Variants in BRINP1 observed in about 807,000 individuals in gnomAD.
BRINP1 encodes BMP/retinoic acid-inducible neural-specific protein 1.
In BRINP1, 17 loss-of-function variants were observed where a neutral mutation model predicts 72.9. The ratio of observed to expected loss-of-function variants is 0.23; its 90% CI spans 0.16 to 0.35. The LOEUF is 0.35. Ranked by LOEUF, BRINP1 falls within the 10% of genes least tolerant of loss-of-function variation. BRINP1 has a pLI of 1.00. For missense variants in BRINP1, 850 were observed against 1,001.6 expected (o/e 0.85, Z 2.04); for synonymous variants, 418 against 378.5 (o/e 1.10, Z -1.21).
At chr9:119,286,782 G>A (rs1311567330) in intron 2 of BRINP1, among the ~76,000 whole-genome samples, 2 of 152,100 alleles carry the variant, frequency 1.3e-5, no homozygotes, top group Non-Finnish European at 2.9e-5. Context: ...AGAGGACGGG[G>A]GAACTCACCA....
rs141766717 is a variant in BRINP1 at position 119,168,138 on chromosome 9, C to T, written c.1232G>A (p.Arg411Gln). Residue 411 changes from arginine to glutamine, a missense_variant, in exon 8 of 8, where the codon CGG becomes CAG. Transcript: ENST00000265922. The stretch of plus-strand genomic sequence containing the variant: ...GGTGCTGCCGTGGCACACGCAGCTC[C>T]GCTGGCTCTCCAGGAAGGTTCCCCA... ...GFWGTFLESQRSCVCHGSTTL... is the reference protein window; with the variant it reads ...GFWGTFLESQQSCVCHGSTTL... 1.2e-3 allele frequency: 1,868 copies of T among 1,600,658 alleles called. 5 individuals carry two copies. Among genetic ancestry groups the T allele is most frequent in the Admixed American group, 3.5e-3 (203 of 58,830 alleles).
chr9:119,246,297 G>A, intron 3 of BRINP1, among the ~76,000 whole-genome samples: 1 of 152,178 alleles, frequency 6.6e-6, no homozygotes, highest in East Asian at 1.9e-4. Flanking sequence ...GACTGGGAAA[G>A]GCAGACCCAC....
At chr9:119,356,502 C>G (rs1831567515) in intron 1 of BRINP1, among the ~76,000 whole-genome samples, 1 of 152,102 alleles carries the variant, frequency 6.6e-6, no homozygotes, top group African/African-American at 2.4e-5. Context: ...GATGAGTGCT[C>G]AATAAACAAT....
At position 119,167,587 on chromosome 9, in the gene BRINP1, T is replaced by C; in HGVS notation, c.1783A>G (p.Ser595Gly). 1 of 1,614,162 alleles carries C rather than the reference T, an allele frequency of 6.2e-7. No homozygotes were observed. Residue 595 changes from serine (S) to glycine (G), a missense_variant, in exon 8 of 8, where the codon AGC (serine) becomes GGC (glycine). Transcript: ENST00000265922. This position sits in a 1 kb window ranked among gnomAD's most constrained non-coding sequence, Gnocchi z 4.3. ...AAAAGAGTCCAGTTGTAGCACTGGCTGTTTTGGAGACGGATCTTCTCCCAG... is the reference window on the plus strand; with the variant it reads ...AAAAGAGTCCAGTTGTAGCACTGGCCGTTTTGGAGACGGATCTTCTCCCAG... Reference protein sequence around the residue: ...PRWEKIRLQNSQCYNWTLLLG... With the variant: ...PRWEKIRLQNGQCYNWTLLLG...
intron 2 of BRINP1, among the ~76,000 whole-genome samples, chr9:119,268,005 G>A (rs972961613): frequency 6.6e-6 from 1 of 152,154 alleles, no homozygotes; most frequent in African/African-American, 2.4e-5. Flanking sequence ...CACTTTGGGA[G>A]GCCGAGACAG....
chr9:119,330,510 C>A (rs904066361), intron 1 of BRINP1, among the ~76,000 whole-genome samples: 4 of 152,156 alleles, frequency 2.6e-5, no homozygotes, highest in Non-Finnish European at 4.4e-5. Context: ...TAGGAGTGAA[C>A]CCTCCCATAT....
At chr9:119,282,709 A>G (rs117305384) in intron 2 of BRINP1, among the ~76,000 whole-genome samples, 2,060 of 152,314 alleles carry the variant, frequency 0.014, 16 homozygotes, top group Middle Eastern at 0.037. Flanking sequence ...AGAGAAAGGG[A>G]TTCTGGAAGG....
intron 1 of BRINP1, among the ~76,000 whole-genome samples, chr9:119,345,321 C>T (rs1352190821): frequency 6.6e-6 from 1 of 152,040 alleles, no homozygotes; most frequent in Non-Finnish European, 1.5e-5. Flanking sequence ...ATCATGGTAA[C>T]AAATTTCTTG....
intron 1 of BRINP1, among the ~76,000 whole-genome samples, chr9:119,354,739 T>C (rs1204013545): frequency 1.3e-5 from 2 of 151,890 alleles, no homozygotes; most frequent in Non-Finnish European, 1.5e-5. Context: ...TGTGGTGGCA[T>C]GTGCCTGTAG....
intron 1 of BRINP1, among the ~76,000 whole-genome samples, chr9:119,367,676 C>G (rs983715167): frequency 5.9e-5 from 9 of 152,214 alleles, no homozygotes; most frequent in African/African-American, 2.2e-4. Context: ...GCCCCCCTGC[C>G]CTTGGCAGTA....
intron 1 of BRINP1, among the ~76,000 whole-genome samples, chr9:119,320,279 A>G (rs913513077): frequency 2.6e-5 from 4 of 152,104 alleles, no homozygotes; most frequent in African/African-American, 9.7e-5. Flanking sequence ...CTCTCACTCT[A>G]TCTCCCTCTC....
intron 1 of BRINP1, among the ~76,000 whole-genome samples, chr9:119,363,188 A>G (rs1440651818): frequency 1.3e-5 from 2 of 152,142 alleles, no homozygotes; most frequent in African/African-American, 4.8e-5. Flanking sequence ...CTGCAGCCTC[A>G]ACCTCTCAGG....
At chr9:119,308,778 C>T (rs977582040) in intron 2 of BRINP1, among the ~76,000 whole-genome samples, 1 of 152,144 alleles carries the variant, frequency 6.6e-6, no homozygotes, top group African/African-American at 2.4e-5. Flanking sequence ...ACGTAAGCCA[C>T]AAACCACTTG....
intron 1 of BRINP1, among the ~76,000 whole-genome samples, chr9:119,334,465 A>G (rs1564250981): frequency 6.6e-6 from 1 of 152,220 alleles, no homozygotes; most frequent in Non-Finnish European, 1.5e-5. Context: ...CCCCAGCCAT[A>G]GGAATTCAAC....
intron 7 of BRINP1, among the ~76,000 whole-genome samples, chr9:119,179,668 T>C (rs577638597): frequency 1.3e-5 from 2 of 152,296 alleles, no homozygotes; most frequent in African/African-American, 4.8e-5. Context: ...ATCCCACCGA[T>C]GAGGGCATTG....
chr9:119,317,018 G>C (rs1302864592), intron 1 of BRINP1, among the ~76,000 whole-genome samples: 1 of 151,754 alleles, frequency 6.6e-6, no homozygotes, highest in Non-Finnish European at 1.5e-5. Context: ...TTGAACCCGG[G>C]AGGCGGAGGT....
At chr9:119,269,601 C>A (rs905101469) in intron 2 of BRINP1, among the ~76,000 whole-genome samples, 3 of 152,182 alleles carry the variant, frequency 2.0e-5, no homozygotes, top group African/African-American at 7.2e-5. Flanking sequence ...TTAGTTTAAT[C>A]CTCAAGGCTG....
intron 1 of BRINP1, among the ~76,000 whole-genome samples, chr9:119,321,677 T>C (rs1831190429): frequency 6.6e-6 from 1 of 151,726 alleles, no homozygotes; most frequent in African/African-American, 2.4e-5. Context: ...TTTTATTATT[T>C]TGGGGAGGCT....
In BRINP1 at chr9:119,168,048, A is replaced by G; in HGVS notation, c.1322T>C (p.Leu441Pro). The G allele has an allele frequency of 6.2e-7, 1 of 1,611,994 alleles. No homozygotes were observed. Among genetic ancestry groups the G allele is most frequent in the Non-Finnish European group, 8.5e-7 (1 of 1,178,478 alleles). Reference protein sequence around the residue: ...GGNNSCAMCSLANISLCGSCN... With the variant: ...GGNNSCAMCSPANISLCGSCN... ...GGAGCCGCAGAGGGAGATGTTGGCC[A>G]GGCTGCACATGGCGCAGCTGTTGTT... is the stretch of plus-strand genomic sequence containing the variant. The change falls in exon 8 of 8, where the codon CTG becomes CCG. Residue 441 changes from leucine to proline, a missense_variant. Transcript: ENST00000265922.
Sources: allele counts gnomAD v4.1 joint callset (sites outside exome capture counted in the v4.1 genomes callset), GRCh38; gene constraint gnomAD v4.1.1; non-coding constraint Gnocchi (gnomAD v3.1); transcripts MANE v1.5; gene names NCBI Gene and HGNC (gene_info 2026-07-23, HGNC 2026-07-21).